Variants in LOXL2 observed in about 807,000 individuals in gnomAD.
LOXL2 encodes the protein lysyl oxidase like 2.
Under a neutral mutation model 93.0 loss-of-function variants are expected in LOXL2, and 70 were observed. The observed-to-expected ratio is 0.75, with a 90% confidence interval of 0.62 to 0.92. LOXL2 has a LOEUF of 0.92. Among genes scored for constraint, LOXL2 ranks in the 40% least tolerant of loss-of-function variants. The pLI is 0.00. For missense variants in LOXL2, 973 were observed against 1,054.9 expected (o/e 0.92, Z 1.08); for synonymous variants, 438 against 413.2 (o/e 1.06, Z -0.73).
chr8:23,354,592 G>C (rs117990567), intron 3 of LOXL2, among the ~76,000 whole-genome samples: 18,831 of 151,348 alleles, frequency 0.12, 1,402 homozygotes, highest in Admixed American at 0.17. Context: ...CCTTCTCTGT[G>C]TGTGTGTGTG....
At chr8:23,353,448 T>C (rs1047010761) in intron 3 of LOXL2, among the ~76,000 whole-genome samples, 2 of 152,208 alleles carry the variant, frequency 1.3e-5, no homozygotes, top group Non-Finnish European at 2.9e-5. Context: ...TTCTGTTTTA[T>C]AGGACAGTGT....
intron 3 of LOXL2, among the ~76,000 whole-genome samples, chr8:23,359,647 A>G (rs534446217): frequency 1.3e-3 from 201 of 152,326 alleles, no homozygotes; most frequent in African/African-American, 4.5e-3. Flanking sequence ...CAAACTGTGC[A>G]AGATAATAAA....
At chr8:23,315,872 G>C (rs1421251327) in intron 9 of LOXL2, among the ~76,000 whole-genome samples, 2 of 152,100 alleles carry the variant, frequency 1.3e-5, no homozygotes, top group African/African-American at 2.4e-5. Context: ...TTTCCTTCTG[G>C]AAAAGATGGG....
chr8:23,308,574 T>C (rs1385531814), intron 10 of LOXL2, among the ~76,000 whole-genome samples: 1 of 152,198 alleles, frequency 6.6e-6, no homozygotes, highest in Non-Finnish European at 1.5e-5. Context: ...ACCCACCCAG[T>C]TCAGGTCTGA....
At chr8:23,314,595 A>T (rs1207644432) in intron 9 of LOXL2, among the ~76,000 whole-genome samples, 1 of 150,734 alleles carries the variant, frequency 6.6e-6, no homozygotes, top group Non-Finnish European at 1.5e-5. Context: ...CTGAACAATG[A>T]GAACACACGG....
rs1803407831 is a variant in LOXL2, at chr8:23,316,783, G to A, written c.1636+166C>T. On this transcript the variant is annotated intron_variant, in intron 9 of 13. Coordinates refer to ENST00000389131, the MANE Select transcript of LOXL2 (RefSeq NM_002318.3). ...ACATCATAGACAGCGATCTGTGGTTGGGGTGGCGGTCATCTCTCTTGCCCC... is the reference window on the plus strand; with the variant it reads ...ACATCATAGACAGCGATCTGTGGTTAGGGTGGCGGTCATCTCTCTTGCCCC... 8 of 636,744 alleles carry A rather than the reference G, an allele frequency of 1.3e-5. No homozygotes were observed. In the East Asian group the frequency reaches 2.4e-4, roughly 19 times the overall value. The allele number at this position is 636,744 out of a possible 1,614,324, so 39.4% of individuals were successfully genotyped here. A position where few individuals can be genotyped will look rare whatever the true frequency, so the allele number is the denominator to read the frequency against.
intron 6 of LOXL2, among the ~76,000 whole-genome samples, chr8:23,324,608 G>A (rs1206590281): frequency 6.6e-6 from 1 of 152,168 alleles, no homozygotes; most frequent in African/African-American, 2.4e-5. Flanking sequence ...GAGCACCCCT[G>A]AATTGCTCCT....
intron 8 of LOXL2, among the ~76,000 whole-genome samples, chr8:23,319,091 G>A (rs532212153): frequency 1.8e-4 from 27 of 152,380 alleles, no homozygotes; most frequent in African/African-American, 5.8e-4. Flanking sequence ...TTCCCGTTAT[G>A]TAAGCTGCTT....
intron 8 of LOXL2, among the ~76,000 whole-genome samples, chr8:23,318,424 A>AACACACACACAC (rs1563188725): frequency 1.7e-5 from 1 of 60,402 alleles, no homozygotes; most frequent in African/African-American, 5.3e-5. Context: ...ATTGGTTGAT[A>AACACACACACAC]GCACACACAC....
chr8:23,395,300 A>T (rs952064341), intron 1 of LOXL2, among the ~76,000 whole-genome samples: 1 of 147,166 alleles, frequency 6.8e-6, no homozygotes, highest in African/African-American at 2.5e-5. Flanking sequence ...CATTAAGGGA[A>T]GTGAAAAAAG....
At chr8:23,368,558 G>GC (rs981146818) in intron 1 of LOXL2, 124 bp from the exon 2 acceptor site, 5 of 591,636 alleles carry the variant, frequency 8.5e-6, no homozygotes, top group Non-Finnish European at 1.5e-5. Flanking sequence ...CGCCAATCCA[G>GC]CCCCACTCCT....
chr8:23,389,882 C>G (rs1440878880), intron 1 of LOXL2, among the ~76,000 whole-genome samples: 1 of 152,142 alleles, frequency 6.6e-6, no homozygotes, highest in African/African-American at 2.4e-5. Context: ...CCTGGAGCTC[C>G]CAGCAACAGT....
At chr8:23,366,019 T>A (rs1804394852) in intron 2 of LOXL2, 1 of 152,238 alleles carries the variant, frequency 6.6e-6, no homozygotes, top group Non-Finnish European at 1.5e-5. Flanking sequence ...ACCTGTCTCC[T>A]ACTACCCCGT....
chr8:23,371,751 CAAAAAAAAAAAAAAAAAA>C (rs55780832), intron 1 of LOXL2, among the ~76,000 whole-genome samples: 4 of 43,886 alleles, frequency 9.1e-5, no homozygotes, highest in African/African-American at 4.5e-4. Flanking sequence ...GAGTCTGTCT[CAAAAAAAAAAAAAAAAAA>C]AAAAAAAAAA....
intron 3 of LOXL2, among the ~76,000 whole-genome samples, chr8:23,341,811 C>T (rs75577387): frequency 0.021 from 3,145 of 152,274 alleles, 115 homozygotes; most frequent in East Asian, 0.13. Context: ...TAGAGAGAAA[C>T]GAAGCAGATA....
chr8:23,401,336 A>G (rs1483453624), intron 1 of LOXL2, among the ~76,000 whole-genome samples: 1 of 152,244 alleles, frequency 6.6e-6, no homozygotes, highest in Non-Finnish European at 1.5e-5. Context: ...CATTTTGAGG[A>G]AAATTGGGAA....
At chr8:23,383,296 C>T (rs779381373) in intron 1 of LOXL2, among the ~76,000 whole-genome samples, 6 of 151,928 alleles carry the variant, frequency 3.9e-5, no homozygotes, top group Non-Finnish European at 7.4e-5. Context: ...TCAATTTCTT[C>T]TTCCAAATAT....
At chr8:23,388,808 G>A (rs1029640610) in intron 1 of LOXL2, among the ~76,000 whole-genome samples, 12 of 148,846 alleles carry the variant, frequency 8.1e-5, no homozygotes, top group African/African-American at 2.9e-4. Context: ...AAGCTTTTAA[G>A]GAGGGTAGGG....
chr8:23,318,808 C>T (rs546793229), intron 8 of LOXL2, among the ~76,000 whole-genome samples: 8 of 152,336 alleles, frequency 5.3e-5, no homozygotes, highest in African/African-American at 1.4e-4. Flanking sequence ...TCCCAGAGGG[C>T]GTAAGCAGCT....
Sources: gnomAD v4.1 joint callset for allele counts (sites outside exome capture counted in the v4.1 genomes callset) on GRCh38, gnomAD v4.1.1 for gene constraint, MANE v1.5 for transcripts, NCBI Gene and HGNC (gene_info 2026-07-23, HGNC 2026-07-21) for gene names.